Variants in MLIP observed in about 807,000 individuals in gnomAD.
MLIP encodes muscular LMNA interacting protein, also known as muscular LMNA-interacting protein.
MLIP carries 79 observed loss-of-function variants against 84.8 expected under a neutral mutation model. The observed-to-expected ratio is 0.93, with a 90% CI of 0.78 to 1.12. The LOEUF (loss-of-function observed/expected upper bound fraction) is 1.12. Among genes scored for constraint, MLIP ranks in the 50% most tolerant of loss-of-function variants. MLIP has a pLI of 0.00. For synonymous variants in MLIP, 504 were observed against 463.0 expected (o/e 1.09, Z -1.14); for missense variants, 1,257 against 1,160.6 (o/e 1.08, Z -1.21).
At chr6:54,251,268 A>T (rs1782458844) in intron 12 of MLIP, among the ~76,000 whole-genome samples, 1 of 151,336 alleles carries the variant, frequency 6.6e-6, no homozygotes, top group East Asian at 1.9e-4. Flanking sequence ...ACCAGCTGAC[A>T]GCCTGTCATA....
chr6:54,133,467 A>G (rs571304700), intron 3 of MLIP, among the ~76,000 whole-genome samples: 1 of 152,324 alleles, frequency 6.6e-6, no homozygotes, highest in South Asian at 2.1e-4. Flanking sequence ...GTAGCTGTAC[A>G]GATTCAGGAG....
intron 9 of MLIP, among the ~76,000 whole-genome samples, chr6:54,188,026 C>A (rs1330775429): frequency 1.3e-5 from 2 of 152,130 alleles, no homozygotes; most frequent in African/African-American, 4.8e-5. Flanking sequence ...AATGTATATA[C>A]ATTAACCTAG....
chr6:54,108,285 G>C (rs963687650), upstream of MLIP, among the ~76,000 whole-genome samples: 1 of 152,070 alleles, frequency 6.6e-6, no homozygotes, highest in Non-Finnish European at 1.5e-5. Context: ...AATGCTTAAG[G>C]GTCTTGGGCA....
In MLIP at chr6:54,140,498, A is replaced by G. The variant is rs557418946; in HGVS notation, c.2217+2212A>G. Among the ~76,000 whole-genome samples, 3 of 152,322 alleles carry G rather than the reference A, an allele frequency of 2.0e-5. No individual in the cohort carries two copies. The East Asian group carries it at 5.8e-4, about 29-fold the overall frequency. On this transcript the variant is annotated intron_variant, in intron 4 of 13. Coordinates refer to ENST00000502396, the MANE Select transcript of MLIP (RefSeq NM_001281747.2). ...TAAGAATGATTATAATTTAACTACC[A>G]GTAAAAATATCAATAGATTTCTTTG...
In MLIP at chr6:54,138,282, C is replaced by T. The variant is rs1771998196; in HGVS notation, c.2213C>T (p.Ser738Leu). Reference sequence around the variant, plus strand: ...TCAACAGGCCCAGAAAATAAGAAATCAAAGGTATTTTTTGCATGTTGCATG... The same window carrying T: ...TCAACAGGCCCAGAAAATAAGAAATTAAAGGTATTTTTTGCATGTTGCATG... ...SMSTGPENKKSKQYKTKSSYK... is the reference protein window; with the variant it reads ...SMSTGPENKKLKQYKTKSSYK... Residue 738 changes from serine (S) to leucine (L), a missense_variant, in exon 4 of 14, where the codon TCA becomes TTA. Transcript: ENST00000502396. The T allele has an allele frequency of 6.5e-7, 1 of 1,532,284 alleles. No individual in the cohort carries two copies. The highest frequency in any genetic ancestry group is 2.0e-5 in the Admixed American group (1 of 50,844). The allele number at this position is 1,532,284 out of a possible 1,614,324, so 94.9% of individuals were successfully genotyped here.
At position 54,226,845 on chromosome 6, in the gene MLIP, A is replaced by G. The variant is rs560077019; in HGVS notation, c.2719-3869A>G. On this transcript the variant is annotated intron_variant, in intron 11 of 13. Coordinates refer to ENST00000502396, the MANE Select transcript of MLIP (RefSeq NM_001281747.2). ...AGATTGCAGAAACAAAGAATGCAAT[A>G]TAAAAGTTGGAGGTGGGGTGACTAA... Among the ~76,000 whole-genome samples, 3 of 152,366 alleles carry G rather than the reference A, an allele frequency of 2.0e-5. No individual in the cohort carries two copies. The East Asian group carries it at 5.8e-4, about 29-fold the overall frequency.
intron 12 of MLIP, among the ~76,000 whole-genome samples, chr6:54,232,660 G>C (rs1409534956): frequency 1.3e-5 from 2 of 152,060 alleles, no homozygotes; most frequent in Non-Finnish European, 2.9e-5. Flanking sequence ...TTAGATATTG[G>C]GTTAATAGCA....
chr6:54,194,853 T>C (rs1370770405), intron 10 of MLIP, among the ~76,000 whole-genome samples: 2 of 151,866 alleles, frequency 1.3e-5, no homozygotes, highest in Non-Finnish European at 2.9e-5. Context: ...AAATCTCTTT[T>C]GTTTTTTCCA....
chr6:54,217,970 G>A (rs969053976), intron 11 of MLIP: 1 of 985,344 alleles, frequency 1.0e-6, no homozygotes, highest in Non-Finnish European at 1.2e-6. Context: ...AGTTAGACGT[G>A]ATAGAGATGC....
intron 1 of MLIP, 44 bp from the exon 2 acceptor site, chr6:54,121,403 A>G (rs545824776): frequency 6.3e-7 from 1 of 1,599,796 alleles, no homozygotes; most frequent in African/African-American, 1.3e-5. Context: ...GGCAAGATAA[A>G]CCTTTGACAA....
At chr6:54,055,197 T>A (rs1765593176) in intron 1 of MLIP, among the ~76,000 whole-genome samples, 1 of 152,220 alleles carries the variant, frequency 6.6e-6, no homozygotes, top group Admixed American at 6.5e-5. Context: ...CATCACTATC[T>A]TTTTTATATG....
In MLIP at chr6:54,084,834, A is replaced by G. The variant is rs369870499; in HGVS notation, c.64-36613A>G. Among the ~76,000 whole-genome samples, 91 of 152,290 alleles carry G rather than the reference A, an allele frequency of 6.0e-4. No individual in the cohort carries two copies. In the East Asian group the frequency reaches 7.3e-3, roughly 12 times the overall value. On this transcript the variant is annotated intron_variant, in intron 1 of 12. Coordinates refer to the MLIP transcript ENST00000274897. ...TGGATGGTGGATAAAAGCTTCAAAAATTTGGCCATTGTGAATTTCTGCAAA... is the reference window on the plus strand; with the variant it reads ...TGGATGGTGGATAAAAGCTTCAAAAGTTTGGCCATTGTGAATTTCTGCAAA...
intron 1 of MLIP, among the ~76,000 whole-genome samples, chr6:54,093,509 A>G (rs1158170925): frequency 1.3e-5 from 2 of 152,156 alleles, no homozygotes; most frequent in African/African-American, 2.4e-5. Context: ...TGGGAAATCC[A>G]GAGTCTGGCA....
At chr6:54,207,598 T>C (rs781537639) in intron 11 of MLIP, among the ~76,000 whole-genome samples, 32 of 152,198 alleles carry the variant, frequency 2.1e-4, no homozygotes, top group Non-Finnish European at 3.4e-4. Context: ...TATTTGCTTT[T>C]AAAACAGCAA....
At chr6:54,237,887 TTTTC>T (rs932681678) in intron 12 of MLIP, among the ~76,000 whole-genome samples, 2 of 152,066 alleles carry the variant, frequency 1.3e-5, no homozygotes, top group African/African-American at 4.8e-5. Context: ...CTTCAGGATA[TTTTC>T]TTTATTTTTG....
chr6:54,226,390 GA>G (rs1780574288), intron 11 of MLIP, among the ~76,000 whole-genome samples: 1 of 152,180 alleles, frequency 6.6e-6, no homozygotes, highest in Non-Finnish European at 1.5e-5. Flanking sequence ...CCAGGAGATT[GA>G]AAATGTCTTT....
chr6:54,082,812 A>G (rs1156907607), intron 1 of MLIP, among the ~76,000 whole-genome samples: 2 of 151,336 alleles, frequency 1.3e-5, no homozygotes, highest in Non-Finnish European at 2.9e-5. Context: ...ATAATTTGCA[A>G]ATTATTTTAT....
At chr6:54,069,378 C>A (rs1766358760) in intron 1 of MLIP, among the ~76,000 whole-genome samples, 1 of 100,638 alleles carries the variant, frequency 9.9e-6, no homozygotes, top group African/African-American at 2.5e-5. Context: ...ACATGTTCTG[C>A]TGAAGAACTT....
At chr6:54,023,499 T>C (rs1385161148) in intron 1 of MLIP, among the ~76,000 whole-genome samples, 1 of 152,132 alleles carries the variant, frequency 6.6e-6, no homozygotes, top group Non-Finnish European at 1.5e-5. Flanking sequence ...AATTTACTTA[T>C]GATCTCATAA....
Sources: allele counts gnomAD v4.1 joint callset (sites outside exome capture counted in the v4.1 genomes callset), GRCh38; gene constraint gnomAD v4.1.1; transcripts MANE v1.5; gene names NCBI Gene and HGNC (gene_info 2026-07-23, HGNC 2026-07-21).